The following PLXNA4 variants were observed in gnomAD, a reference collection of about 807,000 sequenced individuals.
PLXNA4 encodes the protein plexin-A4.
A neutral mutation model predicts 191.8 loss-of-function variants in PLXNA4; 44 were observed. The ratio of observed to expected loss-of-function variants is 0.23; its 90% CI spans 0.18 to 0.29. PLXNA4 has a LOEUF of 0.29. Among genes scored for constraint, PLXNA4 ranks in the 10% least tolerant of loss-of-function variants. The pLI is 1.00. For synonymous variants in PLXNA4, 1,082 were observed against 1,009.5 expected (o/e 1.07, Z -1.36); for missense variants, 1,800 against 2,488.8 (o/e 0.72, Z 5.89).
chr7:132,571,135 T>C (rs1801961573), intron 1 of PLXNA4, among the ~76,000 whole-genome samples: 1 of 151,262 alleles, frequency 6.6e-6, no homozygotes, highest in Non-Finnish European at 1.5e-5. Context: ...GCCTCACTTG[T>C]GGCTTTTTCC....
chr7:132,558,909 G>T (rs1051854262), intron 1 of PLXNA4, among the ~76,000 whole-genome samples: 3 of 151,920 alleles, frequency 2.0e-5, no homozygotes, highest in African/African-American at 7.3e-5. Flanking sequence ...TTTGTTGCAG[G>T]CTCTGAGACA....
chr7:132,616,780 A>G (rs1209533954), intron 2 of PLXNA4, among the ~76,000 whole-genome samples: 1 of 152,004 alleles, frequency 6.6e-6, no homozygotes, highest in African/African-American at 2.4e-5. Flanking sequence ...GTTTGAAAAC[A>G]CTGCGTTTAC....
rs1802229886 is a variant in PLXNA4 at position 132,576,269 on chromosome 7, G to C, written c.-87+153C>G. ...AGGTGCGCGAGCGCCGTGTGTGCCG[G>C]TGTGGATCTGTGTGTGTGCCTGCGT... On this transcript the variant is annotated intron_variant, in intron 1 of 31. Transcript: ENST00000321063. The surrounding 1 kb of genome is among the most constrained non-coding windows in gnomAD (Gnocchi z 5.8). Among the ~76,000 whole-genome samples, 1 of 152,090 alleles carries C rather than the reference G, an allele frequency of 6.6e-6. No individual in the cohort carries two copies. The highest frequency in any genetic ancestry group is 1.5e-5 in the Non-Finnish European group (1 of 68,018).
chr7:132,511,011 T>A (rs565964518), intron 1 of PLXNA4, among the ~76,000 whole-genome samples: 6 of 145,194 alleles, frequency 4.1e-5, no homozygotes, highest in Non-Finnish European at 6.0e-5. Context: ...TCCCTTTCCA[T>A]TTAGCCTTAG....
chr7:132,277,378 C>A (rs1336107529), intron 4 of PLXNA4, among the ~76,000 whole-genome samples: 1 of 152,172 alleles, frequency 6.6e-6, no homozygotes, highest in Non-Finnish European at 1.5e-5. Context: ...CTGCACAGTA[C>A]CAACCACCAT....
At chr7:132,595,282 A>G (rs1802688249) in intron 2 of PLXNA4, among the ~76,000 whole-genome samples, 1 of 152,146 alleles carries the variant, frequency 6.6e-6, no homozygotes, top group Non-Finnish European at 1.5e-5. Flanking sequence ...GTCTATCTTT[A>G]AACAGAGAAA....
chr7:132,386,807 C>T (rs1805166102), intron 3 of PLXNA4, among the ~76,000 whole-genome samples: 1 of 152,214 alleles, frequency 6.6e-6, no homozygotes, highest in African/African-American at 2.4e-5. Flanking sequence ...AAAGACGGGA[C>T]ACTTTTGTGC....
chr7:132,261,365 G>A (rs530560624), intron 4 of PLXNA4, among the ~76,000 whole-genome samples: 11 of 152,224 alleles, frequency 7.2e-5, no homozygotes, highest in Admixed American at 3.3e-4. Flanking sequence ...TCCTAGCTGT[G>A]CTTTTCCTGC....
At chr7:132,370,678 A>G (rs186318346) in intron 3 of PLXNA4, among the ~76,000 whole-genome samples, 1 of 152,222 alleles carries the variant, frequency 6.6e-6, no homozygotes, top group East Asian at 1.9e-4. Flanking sequence ...TCACTAATAA[A>G]TGTCTATGTA....
intron 25 of PLXNA4, among the ~76,000 whole-genome samples, chr7:132,155,740 C>T (rs1331699625): frequency 2.0e-5 from 3 of 152,174 alleles, no homozygotes; most frequent in Non-Finnish European, 4.4e-5. Flanking sequence ...AAGGTGGGCC[C>T]TGCGGTTTCT....
At chr7:132,486,753 G>C (rs779080139) in intron 3 of PLXNA4, among the ~76,000 whole-genome samples, 1 of 152,196 alleles carries the variant, frequency 6.6e-6, no homozygotes, top group Non-Finnish European at 1.5e-5. Flanking sequence ...AGTAAAAGAT[G>C]GGAATGCCGG....
chr7:132,585,324 T>G (rs1426735541), intron 2 of PLXNA4, among the ~76,000 whole-genome samples: 1 of 152,112 alleles, frequency 6.6e-6, no homozygotes, highest in African/African-American at 2.4e-5. Context: ...CAGGAAACAT[T>G]TAGATAGCAA....
At chr7:132,436,717 T>C (rs1476970503) in intron 3 of PLXNA4, among the ~76,000 whole-genome samples, 1 of 152,050 alleles carries the variant, frequency 6.6e-6, no homozygotes, top group Non-Finnish European at 1.5e-5. Context: ...AAAATCAGCA[T>C]AGGACAGAGA....
At chr7:132,334,957 C>G (rs1802760376) in intron 3 of PLXNA4, among the ~76,000 whole-genome samples, 1 of 152,306 alleles carries the variant, frequency 6.6e-6, no homozygotes, top group Non-Finnish European at 1.5e-5. Context: ...GTCAGCATAT[C>G]TACATTGACA....
intron 3 of PLXNA4, among the ~76,000 whole-genome samples, chr7:132,347,134 G>A (rs561124667): frequency 6.6e-6 from 1 of 152,194 alleles, no homozygotes; most frequent in South Asian, 2.1e-4. Context: ...ATTTTTGCTA[G>A]CCCATTTCCC....
chr7:132,198,415 C>A lies in PLXNA4; in HGVS notation c.2738+70G>T, dbSNP rs569861098. 1.4e-4 allele frequency: 208 copies of A among 1,540,378 alleles called. No individual in the cohort carries two copies. In the African/African-American group the frequency reaches 2.5e-3, roughly 19 times the overall value. On this transcript the variant is annotated intron_variant, in intron 13 of 31. Transcript: ENST00000321063. ...AGCTCTGAGAGCACCTAGTTGCTGA[C>A]CAGGACATCCCTAATACTAACCCGT...
intron 14 of PLXNA4, among the ~76,000 whole-genome samples, chr7:132,190,463 A>T (rs1426758612): frequency 6.6e-6 from 1 of 152,234 alleles, no homozygotes; most frequent in Non-Finnish European, 1.5e-5. Flanking sequence ...CCCAGCTTGC[A>T]TCTCAGAATT....
intron 3 of PLXNA4, among the ~76,000 whole-genome samples, chr7:132,449,538 A>C (rs1450298141): frequency 2.0e-5 from 3 of 152,234 alleles, no homozygotes; most frequent in African/African-American, 7.2e-5. Context: ...GATCCTGGTC[A>C]CATGGCACCA....
intron 4 of PLXNA4, among the ~76,000 whole-genome samples, chr7:132,253,625 G>T (rs546312804): frequency 6.6e-6 from 1 of 152,194 alleles, no homozygotes; most frequent in African/African-American, 2.4e-5. Flanking sequence ...TCTCCCTCTT[G>T]GTTCACCTTC....
Sources: gnomAD v4.1 joint callset for allele counts (sites outside exome capture counted in the v4.1 genomes callset) on GRCh38, gnomAD v4.1.1 for gene constraint, Gnocchi (gnomAD v3.1) non-coding constraint, MANE v1.5 for transcripts, NCBI Gene and HGNC (gene_info 2026-07-23, HGNC 2026-07-21) for gene names.